NAB1: variants seen among roughly 807,000 people sequenced by gnomAD.
NAB1 encodes the protein NGFI-A binding protein 1.
NAB1 carries 25 observed loss-of-function variants against 49.9 expected under a neutral mutation model. The ratio of observed to expected loss-of-function variants is 0.50; its 90% CI spans 0.37 to 0.70. The LOEUF (loss-of-function observed/expected upper bound fraction) is 0.70. Ranked by LOEUF, NAB1 falls within the 30% of genes least tolerant of loss-of-function variation. NAB1 has a pLI of 0.00. For missense variants in NAB1, 489 were observed against 575.9 expected, an observed-to-expected ratio of 0.85 and a Z score of 1.54; for synonymous variants, 198 against 215.6, an observed-to-expected ratio of 0.92 and a Z score of 0.71.
rs1695193780 is a variant in NAB1 at position 190,678,769 on chromosome 2, A to T, written c.1006-4969A>T. Among the ~76,000 whole-genome samples the T allele has an allele frequency of 6.6e-6, 1 of 152,206 alleles. No homozygotes were observed. Among genetic ancestry groups the T allele is most frequent in the African/African-American group, 2.4e-5 (1 of 41,448 alleles). ...GCTTGTTGAAAAGAAAGCTGGTCTA[A>T]TTTGACGTAGACTCTTCCCCTCTGG... On this transcript the variant is annotated intron_variant, in intron 6 of 9. Coordinates refer to ENST00000337386, the MANE Select transcript of NAB1 (RefSeq NM_005966.4). The surrounding 1 kb of genome is among the most constrained non-coding windows in gnomAD (Gnocchi z 4.9).
intron 4 of NAB1, among the ~76,000 whole-genome samples, chr2:190,662,362 T>C (rs1177845969): frequency 6.6e-6 from 1 of 151,334 alleles, no homozygotes; most frequent in East Asian, 2.0e-4. Context: ...TAAAGAATTA[T>C]GGAATGACTT....
At chr2:190,655,699 C>T (rs1693883168) in intron 2 of NAB1, among the ~76,000 whole-genome samples, 2 of 152,128 alleles carry the variant, frequency 1.3e-5, no homozygotes, top group Non-Finnish European at 2.9e-5. Flanking sequence ...ATCCTCACAT[C>T]CCAGCTTGGA....
chr2:190,683,426 G>A (rs1368699853), intron 6 of NAB1, among the ~76,000 whole-genome samples: 2 of 150,662 alleles, frequency 1.3e-5, no homozygotes, highest in African/African-American at 2.4e-5. Flanking sequence ...GATTACAGGC[G>A]TGAGCCACTG....
Position 190,672,728 on chromosome 2 carries a change from C to A in NAB1, c.954-373C>A, listed in dbSNP as rs189858150. ...CAGTGGCTCACGCCTGTAATCCCAGCAATTTGGAAGGCTGAGGTGGGAGGA... is the reference window on the plus strand; with the variant it reads ...CAGTGGCTCACGCCTGTAATCCCAGAAATTTGGAAGGCTGAGGTGGGAGGA... On this transcript the variant is annotated intron_variant, in intron 5 of 9. Transcript: ENST00000337386. Among the ~76,000 whole-genome samples the A allele has an allele frequency of 2.1e-3, 325 of 151,894 alleles. 3 individuals carry two copies. In the East Asian group the frequency reaches 0.035, roughly 16 times the overall value.
rs1693655944 is a variant in NAB1 at position 190,651,289 on chromosome 2, TG to T, written c.-197+1308del. On this transcript the variant is annotated intron_variant, in intron 2 of 9. Transcript: ENST00000337386. The surrounding 1 kb of genome is among the most constrained non-coding windows in gnomAD (Gnocchi z 4.3). ...TTATTCAGTTGAGTAATCTCTTTTT[TG>T]TAAGTGGCAAATAACATCCACTGTC... Among the ~76,000 whole-genome samples the T allele has an allele frequency of 6.6e-6, 1 of 152,218 alleles. No homozygotes were observed. Among genetic ancestry groups the T allele is most frequent in the South Asian group, 2.1e-4 (1 of 4,832 alleles).
chr2:190,664,841 C>G (rs1000724138), intron 4 of NAB1, among the ~76,000 whole-genome samples: 4 of 151,836 alleles, frequency 2.6e-5, no homozygotes, highest in Admixed American at 6.6e-5. Flanking sequence ...AGAACCCAGT[C>G]AGACATGCTT....
Position 190,675,139 on chromosome 2 carries a change from G to GC in NAB1, c.1005+1989dup, listed in dbSNP as rs1695008864. 1.3e-5 allele frequency among the ~76,000 whole-genome samples: 2 copies of GC among 152,214 alleles called. No homozygotes were observed. Among genetic ancestry groups the GC allele is most frequent in the African/African-American group, 4.8e-5 (2 of 41,446 alleles). On this transcript the variant is annotated intron_variant, in intron 6 of 9. Coordinates refer to ENST00000337386, the MANE Select transcript of NAB1 (RefSeq NM_005966.4). The surrounding 1 kb of genome is among the most constrained non-coding windows in gnomAD (Gnocchi z 5.2). The stretch of plus-strand genomic sequence containing the variant: ...CATAGAAACTGCTAAGAAGGCATGT[G>GC]CCATTGGAGGATTGAGAGGAAAGAA...
chr2:190,687,394 T>TAA, intron 9 of NAB1, 77 bp downstream of exon 9: 3 of 93,880 alleles, frequency 3.2e-5, no homozygotes, highest in Non-Finnish European at 5.2e-5. Context: ...TCCTCCCCCA[T>TAA]CAAAAAAAAA....
Position 190,670,224 on chromosome 2 carries a change from C to T in NAB1, c.820-102C>T. ...TTCTGATTTTTATGAATAATGATTC[C>T]ATTATATAATGGTGTAACATTCTTA... is the stretch of plus-strand genomic sequence containing the variant. On this transcript the variant is annotated intron_variant, in intron 4 of 9. Transcript: ENST00000337386. This position sits in a 1 kb window ranked among gnomAD's most constrained non-coding sequence, Gnocchi z 5.3. 6 of 1,055,010 alleles carry T rather than the reference C, an allele frequency of 5.7e-6. No individual in the cohort carries two copies. Among genetic ancestry groups the T allele is most frequent in the East Asian group, 2.7e-5 (1 of 37,654 alleles). 65.4% of individuals were successfully genotyped at this position (1,055,010 alleles called of 1,614,324 possible). A position where few individuals can be genotyped will look rare whatever the true frequency, so the allele number is the denominator to read the frequency against.
In NAB1 at chr2:190,691,781, G is replaced by A. The variant is rs537784081; in HGVS notation, c.*1448G>A. 1 of 152,056 alleles carries A rather than the reference G, an allele frequency of 6.6e-6. No homozygotes were observed. The highest frequency in any genetic ancestry group is 2.1e-4 in the South Asian group (1 of 4,818). The allele number at this position is 152,056 out of a possible 1,614,324, so 9.4% of individuals were successfully genotyped here. A position where few individuals can be genotyped will look rare whatever the true frequency, so the allele number is the denominator to read the frequency against. On this transcript the variant is annotated 3_prime_UTR_variant, in exon 10 of 10. Coordinates refer to ENST00000337386, the MANE Select transcript of NAB1 (RefSeq NM_005966.4). This position sits in a 1 kb window ranked among gnomAD's most constrained non-coding sequence, Gnocchi z 4.1. ...GAGAGTATGTGTTTTTTTGTTTTTAGTTCTGCTCTAGATCATAATTGTAAA... is the reference window on the plus strand; with the variant it reads ...GAGAGTATGTGTTTTTTTGTTTTTAATTCTGCTCTAGATCATAATTGTAAA...
chr2:190,685,415 TAA>T lies in NAB1; in HGVS notation c.1096-59_1096-58del. The T allele has an allele frequency of 6.8e-7, 1 of 1,467,114 alleles. No individual in the cohort carries two copies. Among genetic ancestry groups the T allele is most frequent in the South Asian group, 1.4e-5 (1 of 73,152 alleles). 90.9% of individuals were successfully genotyped at this position (1,467,114 alleles called of 1,614,324 possible). Reference sequence around the variant, plus strand: ...TGCTGGAGTCTGAAATTGGCATCTTTAAACCATTAAAAAATCTAGAATGTTTC... The same window carrying T: ...TGCTGGAGTCTGAAATTGGCATCTTTACCATTAAAAAATCTAGAATGTTTC... On this transcript the variant is annotated intron_variant, in intron 7 of 9. Transcript: ENST00000337386. This position sits in a 1 kb window ranked among gnomAD's most constrained non-coding sequence, Gnocchi z 4.5.
In NAB1 at chr2:190,685,888, G is replaced by C. The variant is rs1695581806; in HGVS notation, c.1258+250G>C. ...GACATGTATTATTTTGTAGGGGTTG[G>C]TGGGAATGTGAGATGTCAACAGTAC... On this transcript the variant is annotated intron_variant, in intron 8 of 9. Transcript: ENST00000337386. This position sits in a 1 kb window ranked among gnomAD's most constrained non-coding sequence, Gnocchi z 4.5. 1.3e-5 allele frequency among the ~76,000 whole-genome samples: 2 copies of C among 152,124 alleles called. No individual in the cohort carries two copies. Among genetic ancestry groups the C allele is most frequent in the South Asian group, 4.1e-4 (2 of 4,834 alleles).
chr2:190,658,373 G>A (rs1694038480), intron 3 of NAB1, among the ~76,000 whole-genome samples: 1 of 152,158 alleles, frequency 6.6e-6, no homozygotes, highest in African/African-American at 2.4e-5. Context: ...TGTGTCTCCA[G>A]TGCCTGTTAG....
In NAB1 at chr2:190,670,109, C is replaced by G. The variant is rs1043840230; in HGVS notation, c.820-217C>G. 6.6e-6 allele frequency among the ~76,000 whole-genome samples: 1 copy of G among 152,012 alleles called. No individual in the cohort carries two copies. Among genetic ancestry groups the G allele is most frequent in the African/African-American group, 2.4e-5 (1 of 41,374 alleles). ...ATATAAATAAATAAAATCAAGATGA[C>G]TATTATGATTAATTTGGGCTCTGTG... On this transcript the variant is annotated intron_variant, in intron 4 of 9. Transcript: ENST00000337386. The surrounding 1 kb of genome is among the most constrained non-coding windows in gnomAD (Gnocchi z 5.3).
chr2:190,687,201 G>A lies in NAB1; in HGVS notation c.1259G>A (p.Gly420Glu). The A allele has an allele frequency of 6.4e-7, 1 of 1,555,946 alleles. No individual in the cohort carries two copies. The highest frequency in any genetic ancestry group is 1.2e-5 in the South Asian group (1 of 82,612). The change falls in exon 9 of 10, where the codon GGA becomes GAA. Residue 420 changes from glycine to glutamate, a missense_variant and splice_region_variant. Transcript: ENST00000337386. The stretch of plus-strand genomic sequence containing the variant: ...CATATTTCTTTTTTCTTTTCATTAG[G>A]AGAAAGACCTTTGAATCTCCGAATG... ...GLTSDNSDGQ[G>E]ERPLNLRMPN...
rs1488657306 is a variant in NAB1, at chr2:190,666,747, G to A, written c.820-3579G>A. 6.6e-6 allele frequency among the ~76,000 whole-genome samples: 1 copy of A among 152,110 alleles called. No individual in the cohort carries two copies. Among genetic ancestry groups the A allele is most frequent in the Non-Finnish European group, 1.5e-5 (1 of 68,006 alleles). On this transcript the variant is annotated intron_variant, in intron 4 of 9. Transcript: ENST00000337386. The surrounding 1 kb of genome is among the most constrained non-coding windows in gnomAD (Gnocchi z 5.6). ...AAGAAATCTTTCACATAAAGATATG[G>A]TGGAATTTTGGTATTTTGGGCCACA...
chr2:190,683,674 G>C, intron 6 of NAB1, 64 bp from the exon 7 acceptor site: 1 of 1,203,234 alleles, frequency 8.3e-7, no homozygotes, highest in Non-Finnish European at 1.2e-6. Context: ...TTATTTTCAA[G>C]TTTTTGATAA....
In NAB1 at chr2:190,683,732, C is replaced by T. The variant is rs1056477193; in HGVS notation, c.1006-6C>T. The T allele has an allele frequency of 4.4e-6, 7 of 1,605,272 alleles. No homozygotes were observed. Among genetic ancestry groups the T allele is most frequent in the Admixed American group, 1.7e-5 (1 of 58,428 alleles). On this transcript the variant is annotated splice_region_variant and splice_polypyrimidine_tract_variant and intron_variant, in intron 6 of 9. Transcript: ENST00000337386. The stretch of plus-strand genomic sequence containing the variant: ...AAATATAAAGGACTTCTTATTTGAC[C>T]CACAGGATGGGTTTCCAGATTTCCA...
At position 190,649,403 on chromosome 2, in the gene NAB1, T is replaced by A. The variant is rs1188758788; in HGVS notation, c.-334+43T>A. 6.6e-6 allele frequency: 1 copy of A among 152,042 alleles called. No individual in the cohort carries two copies. Among genetic ancestry groups the A allele is most frequent in the Non-Finnish European group, 1.5e-5 (1 of 68,068 alleles). 9.4% of individuals were successfully genotyped at this position (152,042 alleles called of 1,614,324 possible). A position where few individuals can be genotyped will look rare whatever the true frequency, so the allele number is the denominator to read the frequency against. On this transcript the variant is annotated intron_variant, in intron 1 of 9. Coordinates refer to ENST00000337386, the MANE Select transcript of NAB1 (RefSeq NM_005966.4). This position sits in a 1 kb window ranked among gnomAD's most constrained non-coding sequence, Gnocchi z 6.1. ...CGGTCGCCACTCCCGGTCCGCCAAG[T>A]GCGGGACACTTTCGCGGCTGAGCGG...
Sources: allele counts gnomAD v4.1 joint callset (sites outside exome capture counted in the v4.1 genomes callset), GRCh38; gene constraint gnomAD v4.1.1; non-coding constraint Gnocchi (gnomAD v3.1); transcripts MANE v1.5; gene names NCBI Gene and HGNC (gene_info 2026-07-23, HGNC 2026-07-21).